The following COL4A2 variants were observed in gnomAD, a reference collection of about 807,000 sequenced individuals.
The protein encoded by COL4A2 is collagen type IV alpha 2 chain.
In COL4A2, 99 loss-of-function variants were observed where a neutral mutation model predicts 200.2. The ratio of observed to expected loss-of-function variants is 0.49; its 90% CI spans 0.42 to 0.58. The LOEUF (loss-of-function observed/expected upper bound fraction) is 0.58, where lower values mean the gene tolerates loss of function less well. Ranked by LOEUF, COL4A2 falls within the 20% of genes least tolerant of loss-of-function variation. The probability of loss-of-function intolerance (pLI) is 0.00; values close to 1 mark genes in which losing one functional copy is unlikely to be tolerated. For missense variants in COL4A2, 1,950 were observed against 2,314.1 expected (o/e 0.84, Z 3.23); for synonymous variants, 897 against 900.6 (o/e 1.00, Z 0.07).
chr13:110,399,772 A>T (rs1879307906), intron 4 of COL4A2, among the ~76,000 whole-genome samples: 2 of 152,256 alleles, frequency 1.3e-5, no homozygotes, highest in African/African-American at 4.8e-5. Flanking sequence ...GCCCTGCAGG[A>T]TCTTCCTGGC....
In COL4A2 at chr13:110,478,176, G is replaced by T. The variant is rs749670382; in HGVS notation, c.2587+12G>T. 4 of 1,561,586 alleles carry T rather than the reference G, an allele frequency of 2.6e-6. No homozygotes were observed. The African/African-American group carries it at 5.5e-5, about 21-fold the overall frequency. ...CCCAGGCCGTGAAGGTAAGACCCCA[G>T]CCCTCCCATAAACGAGTGGGGTCCT... On this transcript the variant is annotated intron_variant, in intron 30 of 47. Coordinates refer to ENST00000360467, the MANE Select transcript of COL4A2 (RefSeq NM_001846.4).
chr13:110,400,211 A>G (rs1364128005), intron 4 of COL4A2, among the ~76,000 whole-genome samples: 2 of 152,236 alleles, frequency 1.3e-5, no homozygotes, highest in East Asian at 1.9e-4. Flanking sequence ...ATCAATTTGC[A>G]TATGTGATAA....
At chr13:110,388,952 C>A (rs1319787537) in intron 4 of COL4A2, among the ~76,000 whole-genome samples, 1 of 152,224 alleles carries the variant, frequency 6.6e-6, no homozygotes, top group Admixed American at 6.5e-5. Context: ...TCTGCCCTCA[C>A]CCTCTGTGAT....
At chr13:110,468,437 C>T in intron 27 of COL4A2, 1 of 418,908 alleles carries the variant, frequency 2.4e-6, no homozygotes, top group Non-Finnish European at 4.9e-6. Flanking sequence ...TCAGCACACA[C>T]CCAGACTACA....
At chr13:110,483,460 A>C (rs1883002886) in intron 32 of COL4A2, among the ~76,000 whole-genome samples, 2 of 152,272 alleles carry the variant, frequency 1.3e-5, no homozygotes, top group Non-Finnish European at 2.9e-5. Context: ...TCATGGCAGC[A>C]TCCTTTATAG....
rs1021564488 is a variant in COL4A2 at position 110,424,816 on chromosome 13, G to T, written c.263G>T (p.Gly88Val). Residue 88 changes from glycine (G) to valine (V), a missense_variant, in exon 5 of 48, where the codon GGA becomes GTA. Gly to Val is a moderately radical substitution (Grantham distance 109). Around this residue, in one of 2 missense-constraint regions of COL4A2, gnomAD observed 565 missense variants for 593.5 expected, o/e 0.95. Transcript: ENST00000360467. ...QGFPGLQGRK[G>V]DKGERGAPGV... ...TTCCCGGGACTGCAGGGACGTAAAG[G>T]AGACAAGGGTGAAAGGGGAGCCCCC... 4.3e-6 allele frequency: 7 copies of T among 1,614,082 alleles called. No individual in the cohort carries two copies. Among genetic ancestry groups the T allele is most frequent in the Non-Finnish European group, 5.9e-6 (7 of 1,179,924 alleles).
chr13:110,393,680 A>G (rs906423131), intron 4 of COL4A2, among the ~76,000 whole-genome samples: 7 of 152,026 alleles, frequency 4.6e-5, no homozygotes, highest in Non-Finnish European at 8.8e-5. Context: ...GGAGTTCGAG[A>G]CCAACCTGGC....
chr13:110,419,369 C>G (rs886235019), intron 4 of COL4A2, among the ~76,000 whole-genome samples: 18 of 152,148 alleles, frequency 1.2e-4, no homozygotes, highest in African/African-American at 4.1e-4. Context: ...CTGTTTTTAT[C>G]CTTCTCTGAT....
At position 110,414,100 on chromosome 13, in the gene COL4A2, G is replaced by T. The variant is rs150685673; in HGVS notation, c.181-10634G>T. Reference sequence around the variant, plus strand: ...TGAGGCAGGAGGATGACTTGAGCCCGGGAGTTTGAGGCTGCAGTGAGCTAT... The same window carrying T: ...TGAGGCAGGAGGATGACTTGAGCCCTGGAGTTTGAGGCTGCAGTGAGCTAT... On this transcript the variant is annotated intron_variant, in intron 4 of 47. Transcript: ENST00000360467. Among the ~76,000 whole-genome samples the T allele has an allele frequency of 2.8e-3, 426 of 152,332 alleles. 6 individuals carry two copies. The highest frequency in any genetic ancestry group is 3.7e-3 in the Non-Finnish European group (254 of 68,022).
chr13:110,385,920 T>TA (rs1878715353), intron 4 of COL4A2, among the ~76,000 whole-genome samples: 3 of 135,048 alleles, frequency 2.2e-5, no homozygotes, highest in East Asian at 2.2e-4. Context: ...AGCGTGTGGA[T>TA]GGGCCGTGGT....
intron 12 of COL4A2, among the ~76,000 whole-genome samples, chr13:110,435,000 A>C (rs1347361198): frequency 6.6e-6 from 1 of 152,234 alleles, no homozygotes; most frequent in Admixed American, 6.5e-5. Context: ...AAACCTCACC[A>C]ACACAGTCCC....
chr13:110,400,184 T>A (rs544489463), intron 4 of COL4A2, among the ~76,000 whole-genome samples: 1 of 152,336 alleles, frequency 6.6e-6, no homozygotes, highest in Non-Finnish European at 1.5e-5. Context: ...ACCCAATCTC[T>A]AATAAACCTT....
rs371334752 is a variant in COL4A2, at chr13:110,355,368, C to T, written c.100-2104C>T. On this transcript the variant is annotated intron_variant, in intron 3 of 47. Coordinates refer to ENST00000360467, the MANE Select transcript of COL4A2 (RefSeq NM_001846.4). ...CACCTGTGTGTGTGGGGGAGGGCTG[C>T]ACTAGCTCACCTGTGTGGGGGGAGG... Among the ~76,000 whole-genome samples, 360 of 88,480 alleles carry T rather than the reference C, an allele frequency of 4.1e-3. 5 individuals are homozygous for T. The highest frequency in any genetic ancestry group is 8.1e-3 in the Middle Eastern group (1 of 124). The allele number at this position is 88,480 out of a possible 152,430, so 58.0% of individuals were successfully genotyped here. A position where few individuals can be genotyped will look rare whatever the true frequency, so the allele number is the denominator to read the frequency against.
At chr13:110,503,751 A>G in intron 43 of COL4A2, 96 bp from the exon 44 acceptor site, 2 of 1,476,714 alleles carry the variant, frequency 1.4e-6, no homozygotes, top group Non-Finnish European at 9.4e-7. Flanking sequence ...GGGAAGCTCC[A>G]AAAGAAGCCT....
chr13:110,492,214 G>C, intron 38 of COL4A2, 37 bp downstream of exon 38: 1 of 1,536,654 alleles, frequency 6.5e-7, no homozygotes, highest in Non-Finnish European at 8.8e-7. Flanking sequence ...CCCAGACCCA[G>C]AGTCGTGGGC....
chr13:110,397,735 G>A (rs1171976054), intron 4 of COL4A2, among the ~76,000 whole-genome samples: 1 of 152,204 alleles, frequency 6.6e-6, no homozygotes, highest in Non-Finnish European at 1.5e-5. Context: ...GCAGGAAGGA[G>A]AGGGAGTGGG....
intron 6 of COL4A2, among the ~76,000 whole-genome samples, chr13:110,427,269 C>T (rs1423493426): frequency 6.6e-6 from 1 of 152,164 alleles, no homozygotes; most frequent in Non-Finnish European, 1.5e-5. Context: ...CATGGCTTAT[C>T]CTCCCGAGTA....
intron 4 of COL4A2, among the ~76,000 whole-genome samples, chr13:110,383,604 TTC>T (rs1878574248): frequency 1.4e-5 from 2 of 145,074 alleles, no homozygotes; most frequent in Admixed American, 7.0e-5. Flanking sequence ...GTCAGCCCTT[TTC>T]TTTTTTTTTT....
intron 4 of COL4A2, among the ~76,000 whole-genome samples, chr13:110,401,215 C>A (rs147411565): frequency 1.4e-4 from 22 of 152,326 alleles, no homozygotes; most frequent in African/African-American, 5.1e-4. Flanking sequence ...CTCATAGGTA[C>A]AAACCTTGTC....
Sources: allele counts gnomAD v4.1 joint callset (sites outside exome capture counted in the v4.1 genomes callset), GRCh38; gene constraint gnomAD v4.1.1; regional missense constraint gnomAD v4.1.1; transcripts MANE v1.5; gene names NCBI Gene and HGNC (gene_info 2026-07-23, HGNC 2026-07-21).